Variants in DLGAP4 observed in about 807,000 individuals in gnomAD.
The protein encoded by DLGAP4 is DLG associated protein 4.
In DLGAP4, 18 loss-of-function variants were observed where a neutral mutation model predicts 86.9. The ratio of observed to expected loss-of-function variants is 0.21; its 90% CI spans 0.14 to 0.31. The LOEUF (loss-of-function observed/expected upper bound fraction) is 0.31. Among genes scored for constraint, DLGAP4 ranks in the 10% least tolerant of loss-of-function variants. The pLI is 1.00. For missense variants in DLGAP4, 1,085 were observed against 1,362.6 expected, an observed-to-expected ratio of 0.80 and a Z score of 3.21; for synonymous variants, 548 against 574.3, an observed-to-expected ratio of 0.95 and a Z score of 0.65.
intron 1 of DLGAP4, among the ~76,000 whole-genome samples, chr20:36,316,750 C>G (rs2065103993): frequency 6.6e-6 from 1 of 152,240 alleles, no homozygotes; most frequent in Non-Finnish European, 1.5e-5. Context: ...CACAGAGAAG[C>G]TGGGTCACCC....
chr20:36,341,948 C>T (rs2147375274), intron 1 of DLGAP4, among the ~76,000 whole-genome samples: 1 of 152,350 alleles, frequency 6.6e-6, no homozygotes, highest in Non-Finnish European at 1.5e-5. Context: ...CTTCATTCGA[C>T]TTTCTCCTCA....
intron 7 of DLGAP4, among the ~76,000 whole-genome samples, chr20:36,469,075 C>G (rs189050428): frequency 2.3e-4 from 35 of 152,286 alleles, no homozygotes; most frequent in African/African-American, 7.9e-4. Context: ...TCTTATCATC[C>G]TTGTTTTTCA....
In DLGAP4 at chr20:36,396,457, G is replaced by GCA. The variant is rs796651337; in HGVS notation, c.-73+29193_-73+29194dup. ...ACACACCCACACACACACATCACAT[G>GCA]CACACACACACATACACATCACACA... On this transcript the variant is annotated intron_variant, in intron 2 of 12. Transcript: ENST00000339266. Among the ~76,000 whole-genome samples the GCA allele has an allele frequency of 4.2e-4, 8 of 19,008 alleles. No individual in the cohort carries two copies. The South Asian group carries it at 0.041, about 96-fold the overall frequency. 12.5% of individuals were successfully genotyped at this position (19,008 alleles called of 152,430 possible). A position where few individuals can be genotyped will look rare whatever the true frequency, so the allele number is the denominator to read the frequency against.
At chr20:36,340,742 G>A (rs938498284) in intron 1 of DLGAP4, among the ~76,000 whole-genome samples, 2 of 152,164 alleles carry the variant, frequency 1.3e-5, no homozygotes, top group African/African-American at 2.4e-5. Flanking sequence ...GCATCCCTCC[G>A]GAGACCCCAG....
intron 10 of DLGAP4, among the ~76,000 whole-genome samples, chr20:36,521,870 A>G (rs968647779): frequency 6.6e-6 from 1 of 152,128 alleles, no homozygotes; most frequent in Non-Finnish European, 1.5e-5. Flanking sequence ...TGTTCCTGTA[A>G]TATCTTTAAC....
chr20:36,410,757 A>G (rs1193355435), intron 2 of DLGAP4, among the ~76,000 whole-genome samples: 2 of 152,122 alleles, frequency 1.3e-5, no homozygotes, highest in Non-Finnish European at 2.9e-5. Flanking sequence ...ACGTGCCCCC[A>G]TGATCCAAAC....
intron 1 of DLGAP4, among the ~76,000 whole-genome samples, chr20:36,325,110 C>T (rs539520165): frequency 5.3e-5 from 8 of 152,048 alleles, no homozygotes; most frequent in African/African-American, 1.9e-4. Flanking sequence ...AAAGTTTCCT[C>T]TAAGTACTGC....
chr20:36,494,196 G>C (rs529838994), intron 7 of DLGAP4, among the ~76,000 whole-genome samples: 11 of 152,210 alleles, frequency 7.2e-5, no homozygotes, highest in Non-Finnish European at 7.3e-5. Flanking sequence ...AGTAGGAAGT[G>C]AGTGCTCCTG....
At chr20:36,499,443 G>A (rs879275719) in intron 8 of DLGAP4, 145 bp from the exon 9 acceptor site, 35 of 1,303,066 alleles carry the variant, frequency 2.7e-5, no homozygotes, top group South Asian at 6.4e-5. Context: ...TCGGGCCCAC[G>A]TGCAGTGTCC....
chr20:36,434,182 G>A (rs2033207701), intron 3 of DLGAP4, among the ~76,000 whole-genome samples: 1 of 148,960 alleles, frequency 6.7e-6, no homozygotes, highest in Non-Finnish European at 1.5e-5. Flanking sequence ...GACCTCAGGT[G>A]AGCACCTGCC....
At chr20:36,451,484 G>A (rs2033734575) in intron 7 of DLGAP4, among the ~76,000 whole-genome samples, 2 of 152,012 alleles carry the variant, frequency 1.3e-5, no homozygotes, top group African/African-American at 4.8e-5. Flanking sequence ...CCAAGTAGCT[G>A]GGAATACAGG....
At chr20:36,449,556 C>G (rs1054819000) in intron 7 of DLGAP4, among the ~76,000 whole-genome samples, 1 of 152,218 alleles carries the variant, frequency 6.6e-6, no homozygotes, top group African/African-American at 2.4e-5. Context: ...TCCAGAAGAG[C>G]TCTCCCAGGC....
At chr20:36,356,628 G>C (rs2030338819) in intron 1 of DLGAP4, among the ~76,000 whole-genome samples, 1 of 148,220 alleles carries the variant, frequency 6.7e-6, no homozygotes, top group Non-Finnish European at 1.5e-5. Context: ...GTTTTTGTTT[G>C]TATCTCAGGG....
chr20:36,495,850 T>G (rs1410105382), intron 7 of DLGAP4, among the ~76,000 whole-genome samples: 1 of 152,018 alleles, frequency 6.6e-6, no homozygotes, highest in Non-Finnish European at 1.5e-5. Flanking sequence ...AGGATGTGTG[T>G]TTTTTTGTTT....
chr20:36,377,494 C>T (rs1044716712), intron 2 of DLGAP4, among the ~76,000 whole-genome samples: 1 of 152,182 alleles, frequency 6.6e-6, no homozygotes, highest in African/African-American at 2.4e-5. Flanking sequence ...GCATAGCAAG[C>T]GCTCGGTGAA....
intron 6 of DLGAP4, 94 bp from the exon 7 acceptor site, chr20:36,446,603 C>A: frequency 8.2e-7 from 1 of 1,221,860 alleles, no homozygotes; most frequent in Non-Finnish European, 1.1e-6. Context: ...ACCCCACAGA[C>A]TGTCCAGCCC....
At chr20:36,525,745 C>G in intron 11 of DLGAP4, 106 bp from the exon 12 acceptor site, 1 of 1,496,658 alleles carries the variant, frequency 6.7e-7, no homozygotes, top group Non-Finnish European at 9.1e-7. Context: ...TCAAGAGCCC[C>G]CGCGGGTGCT....
At chr20:36,473,873 C>T (rs1410142782) in intron 7 of DLGAP4, among the ~76,000 whole-genome samples, 1 of 152,202 alleles carries the variant, frequency 6.6e-6, no homozygotes, top group Non-Finnish European at 1.5e-5. Context: ...AGGAAGCCCA[C>T]ACCCCAGAGG....
chr20:36,372,260 G>A (rs985558543), intron 2 of DLGAP4, among the ~76,000 whole-genome samples: 1 of 152,208 alleles, frequency 6.6e-6, no homozygotes, highest in African/African-American at 2.4e-5. Flanking sequence ...CCTACCGTGT[G>A]TCGGCTTGTC....
Sources: allele counts gnomAD v4.1 joint callset (sites outside exome capture counted in the v4.1 genomes callset), GRCh38; gene constraint gnomAD v4.1.1; transcripts MANE v1.5; gene names NCBI Gene and HGNC (gene_info 2026-07-23, HGNC 2026-07-21).